The following FRMD5 variants were observed in gnomAD, a reference collection of about 807,000 sequenced individuals.
FRMD5 encodes the protein FERM domain-containing protein 5.
Under a neutral mutation model 69.0 loss-of-function variants are expected in FRMD5, and 20 were observed. That is an observed-to-expected ratio of 0.29 (90% CI 0.20 to 0.42). The LOEUF (loss-of-function observed/expected upper bound fraction) is 0.42, where lower values mean the gene tolerates loss of function less well. Among genes scored for constraint, FRMD5 ranks in the 10% least tolerant of loss-of-function variants. FRMD5 has a pLI of 1.00. For missense variants in FRMD5, 595 were observed against 708.6 expected, an observed-to-expected ratio of 0.84 and a Z score of 1.82; for synonymous variants, 271 against 260.1, an observed-to-expected ratio of 1.04 and a Z score of -0.40.
chr15:43,881,700 G>C (rs2088534864), intron 13 of FRMD5, among the ~76,000 whole-genome samples: 8 of 152,172 alleles, frequency 5.3e-5, no homozygotes, highest in Admixed American at 5.2e-4. Context: ...AATGGGGTGG[G>C]CAAGGAAGAT....
intron 1 of FRMD5, among the ~76,000 whole-genome samples, chr15:43,994,786 TACAC>T (rs1272525400): frequency 3.3e-5 from 5 of 152,220 alleles, no homozygotes; most frequent in African/African-American, 1.2e-4. Context: ...ATAAGTAACT[TACAC>T]ACCGCCATTA....
chr15:44,106,200 C>A lies in FRMD5; in HGVS notation c.102+88753G>T, dbSNP rs548381893. Among the ~76,000 whole-genome samples, 7 of 152,140 alleles carry A rather than the reference C, an allele frequency of 4.6e-5. No homozygotes were observed. In the South Asian group the frequency reaches 1.5e-3, roughly 32 times the overall value. On this transcript the variant is annotated intron_variant, in intron 1 of 13. Coordinates refer to ENST00000417257, the MANE Select transcript of FRMD5 (RefSeq NM_032892.5). ...TTTCTGTTTACAAATGGGTCTGATA[C>A]CCAATAATTAAAATTATTTTAATAA...
At chr15:43,955,710 T>C (rs1242884261) in intron 1 of FRMD5, among the ~76,000 whole-genome samples, 2 of 152,166 alleles carry the variant, frequency 1.3e-5, no homozygotes, top group African/African-American at 4.8e-5. Flanking sequence ...TGAAGAACAT[T>C]AGCCTCCAAT....
chr15:44,010,002 A>G (rs1213418226), intron 1 of FRMD5, among the ~76,000 whole-genome samples: 1 of 152,208 alleles, frequency 6.6e-6, no homozygotes, highest in Non-Finnish European at 1.5e-5. Context: ...CTCTTCCCTA[A>G]CATCATACCC....
At chr15:44,120,157 T>C (rs536492866) in intron 1 of FRMD5, among the ~76,000 whole-genome samples, 1 of 152,274 alleles carries the variant, frequency 6.6e-6, no homozygotes, top group South Asian at 2.1e-4. Flanking sequence ...TTGGGCTTTA[T>C]GCTGACAATA....
intron 1 of FRMD5, among the ~76,000 whole-genome samples, chr15:44,080,258 A>G (rs1893943677): frequency 6.6e-6 from 1 of 152,100 alleles, no homozygotes; most frequent in Non-Finnish European, 1.5e-5. Context: ...TTGTCTTCCA[A>G]AATTTGACAG....
At chr15:43,882,459 A>G (rs1381736068) in intron 13 of FRMD5, among the ~76,000 whole-genome samples, 2 of 151,834 alleles carry the variant, frequency 1.3e-5, no homozygotes. Context: ...CCTGGGTTCA[A>G]GCAATCCTCT....
rs988646669 is a variant in FRMD5 at position 43,989,257 on chromosome 15, G to A, written c.103-64948C>T. ...GGTGGTGATCTTCTGCATCCTATCGGCGATGCCAGGGTACCTGGTGGTGCC... is the reference window on the plus strand; with the variant it reads ...GGTGGTGATCTTCTGCATCCTATCGACGATGCCAGGGTACCTGGTGGTGCC... On this transcript the variant is annotated intron_variant, in intron 1 of 13. Coordinates refer to ENST00000417257, the MANE Select transcript of FRMD5 (RefSeq NM_032892.5). The A allele has an allele frequency of 1.5e-5, 12 of 791,066 alleles. No homozygotes were observed. The Admixed American group carries it at 1.9e-4, about 12-fold the overall frequency. 49.0% of individuals were successfully genotyped at this position (791,066 alleles called of 1,614,324 possible).
chr15:43,991,638 C>T (rs1394215615), intron 1 of FRMD5, among the ~76,000 whole-genome samples: 4 of 152,178 alleles, frequency 2.6e-5, no homozygotes, highest in Non-Finnish European at 5.9e-5. Flanking sequence ...GTCTTTGGTG[C>T]TGATAATTCT....
chr15:44,030,680 AT>A (rs1451838838), intron 1 of FRMD5, among the ~76,000 whole-genome samples: 1 of 152,112 alleles, frequency 6.6e-6, no homozygotes, highest in African/African-American at 2.4e-5. Context: ...CAGTGATACC[AT>A]GGATCCCATT....
chr15:44,095,529 T>C (rs1161033957), intron 1 of FRMD5, among the ~76,000 whole-genome samples: 1 of 152,160 alleles, frequency 6.6e-6, no homozygotes, highest in Non-Finnish European at 1.5e-5. Context: ...CTGTTTAGCA[T>C]GACTTTAAAA....
chr15:43,874,496 T>C, intron 13 of FRMD5, 34 bp from the exon 14 acceptor site: 1 of 1,539,306 alleles, frequency 6.5e-7, no homozygotes, highest in Non-Finnish European at 9.0e-7. Flanking sequence ...GTAGGCTGTG[T>C]CCCAATGCAC....
At chr15:44,005,418 C>A (rs1304347685) in intron 1 of FRMD5, among the ~76,000 whole-genome samples, 1 of 136,846 alleles carries the variant, frequency 7.3e-6, no homozygotes, top group Non-Finnish European at 1.5e-5. Context: ...CTGCAGTGAG[C>A]CGAGATCACG....
At chr15:44,010,565 A>G (rs1246380909) in intron 1 of FRMD5, among the ~76,000 whole-genome samples, 2 of 151,964 alleles carry the variant, frequency 1.3e-5, no homozygotes, top group African/African-American at 4.8e-5. Flanking sequence ...TTGTATTTTT[A>G]GTAGAGACAG....
intron 1 of FRMD5, among the ~76,000 whole-genome samples, chr15:43,947,751 C>A (rs1172619602): frequency 6.6e-6 from 1 of 152,120 alleles, no homozygotes; most frequent in Admixed American, 6.5e-5. Context: ...CTTTAGTTTT[C>A]ATAAATTCAA....
chr15:43,946,141 T>TG (rs1430682844), intron 1 of FRMD5, among the ~76,000 whole-genome samples: 1 of 152,146 alleles, frequency 6.6e-6, no homozygotes, highest in East Asian at 1.9e-4. Context: ...TCCAGTCCTA[T>TG]CCAGGTCCTT....
chr15:44,186,900 G>A (rs931637954), intron 1 of FRMD5, among the ~76,000 whole-genome samples: 1 of 152,206 alleles, frequency 6.6e-6, no homozygotes, highest in Non-Finnish European at 1.5e-5. Flanking sequence ...GTATAAGGCT[G>A]GGAACTTCGA....
At chr15:44,194,451 T>C in intron 1 of FRMD5, 1 of 212,168 alleles carries the variant, frequency 4.7e-6, no homozygotes. Flanking sequence ...AGTTCTACCT[T>C]CTGAAAGCTC....
chr15:44,176,845 T>C (rs2077904046), intron 1 of FRMD5, among the ~76,000 whole-genome samples: 1 of 151,722 alleles, frequency 6.6e-6, no homozygotes, highest in African/African-American at 2.4e-5. Flanking sequence ...TTCACACCCA[T>C]TAGAATGGCT....
Sources: allele counts gnomAD v4.1 joint callset (sites outside exome capture counted in the v4.1 genomes callset), GRCh38; gene constraint gnomAD v4.1.1; transcripts MANE v1.5; gene names NCBI Gene and HGNC (gene_info 2026-07-23, HGNC 2026-07-21).